The following RAD9A variants were observed in gnomAD, a reference collection of about 807,000 sequenced individuals.
The protein encoded by RAD9A is cell cycle checkpoint control protein RAD9A.
A neutral mutation model predicts 41.2 loss-of-function variants in RAD9A; 25 were observed. That is an observed-to-expected ratio of 0.61 (90% CI 0.44 to 0.85). The LOEUF is 0.85. Ranked by LOEUF, RAD9A falls within the 40% of genes least tolerant of loss-of-function variation. The pLI is 0.00. For missense variants in RAD9A, 514 were observed against 518.3 expected (o/e 0.99, Z 0.08); for synonymous variants, 252 against 210.6 (o/e 1.20, Z -1.70).
At position 67,398,018 on chromosome 11, in the gene RAD9A, C is replaced by T. The variant is rs1862769864; in HGVS notation, c.*459C>T. On this transcript the variant is annotated 3_prime_UTR_variant, in exon 11 of 11. Coordinates refer to ENST00000307980, the MANE Select transcript of RAD9A (RefSeq NM_004584.3). ...ACCCCCGTGGAGCTGACAAGTTTTC[C>T]TTGCTTTCCTGATACTCTTTGGCGC... The T allele has an allele frequency of 5.0e-6, 1 of 198,310 alleles. No individual in the cohort carries two copies. The highest frequency in any genetic ancestry group is 1.0e-5 in the Non-Finnish European group (1 of 96,708). The allele number at this position is 198,310 out of a possible 1,614,324, so 12.3% of individuals were successfully genotyped here.
At chr11:67,392,262 G>GGGGTTGGGGTGGGGGGGGGGGGGGGC in intron 2 of RAD9A, 31 bp downstream of exon 2, 3 of 600,786 alleles carry the variant, frequency 5.0e-6, no homozygotes, top group East Asian at 4.3e-5. Flanking sequence ...GGGCGGGTGG[G>GGGGTTGGGGTGGGGGGGGGGGGGGGC]ACTCCAGCCG....
chr11:67,393,542 TG>T lies in RAD9A; in HGVS notation c.283del (p.Glu95LysfsTer7). ...FRSLAMLEKT[V>X]EKCCISLNGR... ...TCACTGGCGATGCTGGAGAAGACGG[TG>T]GAAAAATGCTGCATCTCCCTGAATG... On this transcript the variant is annotated frameshift_variant, in exon 4 of 11. Transcript: ENST00000307980. LOFTEE classifies it high-confidence loss of function. 1 of 1,614,026 alleles carries T rather than the reference TG, an allele frequency of 6.2e-7. No individual in the cohort carries two copies. Among genetic ancestry groups the T allele is most frequent in the East Asian group, 2.2e-5 (1 of 44,866 alleles).
At position 67,396,173 on chromosome 11, in the gene RAD9A, C is replaced by A. The variant is rs1311134352; in HGVS notation, c.732C>A (p.Gly244=). 1.2e-6 allele frequency: 2 copies of A among 1,613,896 alleles called. No individual in the cohort carries two copies. The highest frequency in any genetic ancestry group is 1.7e-6 in the Non-Finnish European group (2 of 1,179,788). Residue 244 remains glycine (G), a splice_region_variant and synonymous_variant, in exon 8 of 11, where the codon GGC becomes GGA. Transcript: ENST00000307980. ...LNLSIHFDAP[G]RPAIFTIKDS... ...TTAGCATTCATTTTGATGCTCCAGG[C>A]AGGTAGTTCCCAGCCTTGGGACAGG...
At position 67,397,331 on chromosome 11, in the gene RAD9A, AG is replaced by A; in HGVS notation, c.1027del (p.Glu343ArgfsTer54). On this transcript the variant is annotated frameshift_variant, in exon 10 of 11. Coordinates refer to ENST00000307980, the MANE Select transcript of RAD9A (RefSeq NM_004584.3). LOFTEE classifies it high-confidence loss of function. ...QPPKSPGPHSEEEDEAEPSTV... is the reference protein window; with the variant it reads ...QPPKSPGPHSXEEDEAEPSTV... Reference sequence around the variant, plus strand: ...CCCAAGAGCCCCGGTCCCCACTCCGAGGAGGAAGATGAGGCTGAGCCCAGTA... The same window carrying A: ...CCCAAGAGCCCCGGTCCCCACTCCGAGAGGAAGATGAGGCTGAGCCCAGTA... The A allele has an allele frequency of 6.7e-7, 1 of 1,502,026 alleles. No individual in the cohort carries two copies. Among genetic ancestry groups the A allele is most frequent in the African/African-American group, 1.6e-5 (1 of 63,296 alleles). 93.0% of individuals were successfully genotyped at this position (1,502,026 alleles called of 1,614,324 possible). A position where few individuals can be genotyped will look rare whatever the true frequency, so the allele number is the denominator to read the frequency against.
intron 5 of RAD9A, among the ~76,000 whole-genome samples, chr11:67,394,075 C>G (rs999237784): frequency 6.6e-6 from 1 of 152,222 alleles, no homozygotes; most frequent in Admixed American, 6.5e-5. Flanking sequence ...CTGCTCAAAC[C>G]CATTCCAACT....
chr11:67,394,953 G>A (rs1467215504), intron 5 of RAD9A, among the ~76,000 whole-genome samples: 1 of 151,718 alleles, frequency 6.6e-6, no homozygotes, highest in African/African-American at 2.4e-5. Context: ...CTCTCGTTTT[G>A]TTTTGAGATA....
chr11:67,392,888 G>C, intron 3 of RAD9A, 106 bp downstream of exon 3: 3 of 1,428,086 alleles, frequency 2.1e-6, no homozygotes, highest in Non-Finnish European at 2.9e-6. Flanking sequence ...AGAGAGACAC[G>C]TGCAAGCCCA....
chr11:67,397,021 TA>T, intron 9 of RAD9A, among the ~76,000 whole-genome samples, 157 bp from the exon 10 acceptor site: 1 of 152,212 alleles, frequency 6.6e-6, no homozygotes, highest in African/African-American at 2.4e-5. Flanking sequence ...AGTCACCACT[TA>T]ACCCCTGCAT....
At chr11:67,392,313 G>A in intron 2 of RAD9A, 82 bp downstream of exon 2, 1 of 1,228,634 alleles carries the variant, frequency 8.1e-7, no homozygotes, top group Middle Eastern at 2.6e-4. Flanking sequence ...CCCACTAGGC[G>A]GGATGACCGC....
chr11:67,393,913 G>A lies in RAD9A; in HGVS notation c.449+123G>A, dbSNP rs1032060770. 18 of 833,300 alleles carry A rather than the reference G, an allele frequency of 2.2e-5. No individual in the cohort carries two copies. The African/African-American group carries it at 2.4e-4, about 11-fold the overall frequency. The allele number at this position is 833,300 out of a possible 1,614,324, so 51.6% of individuals were successfully genotyped here. A position where few individuals can be genotyped will look rare whatever the true frequency, so the allele number is the denominator to read the frequency against. On this transcript the variant is annotated intron_variant, in intron 5 of 10. Transcript: ENST00000307980. ...CTACAGAGTTTCTGTGAACCTCAAA[G>A]ACATCCCATGGCCCGCTATGTGCTC...
intron 7 of RAD9A, 39 bp from the exon 8 acceptor site, chr11:67,396,072 C>A (rs1299069623): frequency 6.2e-7 from 1 of 1,613,148 alleles, no homozygotes; most frequent in East Asian, 2.2e-5. Flanking sequence ...CCCAGCTCAG[C>A]CCAGCCCGGG....
At chr11:67,393,336 G>A (rs1862586608) in intron 3 of RAD9A, 160 bp from the exon 4 acceptor site, 1 of 1,377,588 alleles carries the variant, frequency 7.3e-7, no homozygotes. Flanking sequence ...GCATAAGGAA[G>A]AGCATGAATG....
intron 3 of RAD9A, chr11:67,393,064 G>A (rs984472481): frequency 4.8e-6 from 2 of 413,940 alleles, no homozygotes; most frequent in South Asian, 2.7e-5. Flanking sequence ...GGCGGATCAC[G>A]AGGTCAGGAG....
intron 5 of RAD9A, among the ~76,000 whole-genome samples, chr11:67,394,625 T>C (rs1862625649): frequency 7.5e-6 from 1 of 132,698 alleles, no homozygotes; most frequent in African/African-American, 2.9e-5. Flanking sequence ...GGGTGGTGTC[T>C]TTTTTTTTTT....
chr11:67,395,104 TAA>T (rs1182375951), intron 5 of RAD9A: 1 of 152,224 alleles, frequency 6.6e-6, no homozygotes, highest in African/African-American at 2.4e-5. Context: ...CACGCCCGGC[TAA>T]TTTATATATG....
chr11:67,393,235 G>A (rs1310215797), intron 3 of RAD9A: 68 of 1,067,310 alleles, frequency 6.4e-5, no homozygotes, highest in Admixed American at 1.3e-4. Flanking sequence ...AGCTGAGATC[G>A]CACCACTGCA....
At chr11:67,394,896 G>T (rs1030707738) in intron 5 of RAD9A, among the ~76,000 whole-genome samples, 1 of 151,874 alleles carries the variant, frequency 6.6e-6, no homozygotes, top group African/African-American at 2.4e-5. Flanking sequence ...GATTACAGGC[G>T]TCAGCCACCA....
At chr11:67,393,297 A>AT in intron 3 of RAD9A, 199 bp from the exon 4 acceptor site, 7 of 1,286,404 alleles carry the variant, frequency 5.4e-6, no homozygotes, top group East Asian at 3.2e-5. Context: ...AAAAAAAAAA[A>AT]GGTAAGCAGG....
At chr11:67,392,461 G>A (rs1259002240) in intron 2 of RAD9A, among the ~76,000 whole-genome samples, 193 bp from the exon 3 acceptor site, 3 of 152,222 alleles carry the variant, frequency 2.0e-5, no homozygotes, top group African/African-American at 7.2e-5. Context: ...GGAAGGCCTG[G>A]GTGTGCGACC....
Sources: gnomAD v4.1 joint callset for allele counts (sites outside exome capture counted in the v4.1 genomes callset) on GRCh38, gnomAD v4.1.1 for gene constraint, MANE v1.5 for transcripts, NCBI Gene and HGNC (gene_info 2026-07-23, HGNC 2026-07-21) for gene names.